The following CREB5 variants were observed in gnomAD, a reference collection of about 807,000 sequenced individuals.
The protein encoded by CREB5 is cAMP responsive element binding protein 5.
Under a neutral mutation model 57.1 loss-of-function variants are expected in CREB5, and 19 were observed. The ratio of observed to expected loss-of-function variants is 0.33; its 90% CI spans 0.23 to 0.49. CREB5 has a LOEUF of 0.49. CREB5 is among the 20% of genes least tolerant of loss of function. The probability of loss-of-function intolerance (pLI) is 0.99; values close to 1 mark genes in which losing one functional copy is unlikely to be tolerated. For synonymous variants in CREB5, 238 were observed against 238.3 expected (o/e 1.00, Z 0.01); for missense variants, 579 against 671.6 (o/e 0.86, Z 1.52).
In CREB5 at chr7:28,406,142, TAC is replaced by T. The variant is rs1217950581; in HGVS notation, c.-24-88762_-24-88761del. Reference sequence around the variant, plus strand: ...GTTGGAGAAATGACTGAACCCAAAGTACAGAGCTAAAGAATTTCTTCCCATCT... The same window carrying T: ...GTTGGAGAAATGACTGAACCCAAAGTAGAGCTAAAGAATTTCTTCCCATCT... On this transcript the variant is annotated intron_variant, in intron 1 of 9. Transcript: ENST00000396299. 2.0e-5 allele frequency among the ~76,000 whole-genome samples: 3 copies of T among 152,314 alleles called. No homozygotes were observed. In the East Asian group the frequency reaches 5.8e-4, roughly 29 times the overall value.
At chr7:28,351,782 CT>C (rs1383576636) in intron 1 of CREB5, among the ~76,000 whole-genome samples, 9 of 151,922 alleles carry the variant, frequency 5.9e-5, no homozygotes, top group African/African-American at 2.2e-4. Flanking sequence ...AAAAAAAATC[CT>C]TGTTAATTAG....
chr7:28,686,239 A>AT lies in CREB5; in HGVS notation c.465-32506dup, dbSNP rs201137678. 3.7e-3 allele frequency: 5,655 copies of AT among 1,540,958 alleles called. 31 individuals carry two copies. The highest frequency in any genetic ancestry group is 0.011 in the South Asian group (972 of 89,452). On this transcript the variant is annotated intron_variant, in intron 5 of 10. Transcript: ENST00000357727. ...ATTTTCTTTTCTCCTGATTTTATAG[A>AT]TTTTTTTTGCCCCTACTGCCTTCTG...
intron 1 of CREB5, among the ~76,000 whole-genome samples, chr7:28,386,967 C>T (rs1787120470): frequency 6.6e-6 from 1 of 152,072 alleles, no homozygotes; most frequent in South Asian, 2.1e-4. Context: ...TTTCTTTATC[C>T]AGTCTATTAT....
At chr7:28,624,001 C>G (rs1797901104) in intron 5 of CREB5, among the ~76,000 whole-genome samples, 2 of 152,170 alleles carry the variant, frequency 1.3e-5, no homozygotes, top group South Asian at 4.1e-4. Flanking sequence ...GTGATGACAA[C>G]TTCCTCCATT....
intron 5 of CREB5, among the ~76,000 whole-genome samples, chr7:28,596,062 G>A (rs1796682461): frequency 6.6e-6 from 1 of 152,118 alleles, no homozygotes; most frequent in Non-Finnish European, 1.5e-5. Context: ...CCTAAATGTT[G>A]GGATTTCATT....
At chr7:28,312,371 G>A (rs974843529) in intron 1 of CREB5, among the ~76,000 whole-genome samples, 3 of 152,104 alleles carry the variant, frequency 2.0e-5, no homozygotes, top group Non-Finnish European at 4.4e-5. Flanking sequence ...TACCTACTCG[G>A]ATTTCACAGA....
At chr7:28,495,602 A>G (rs1433292588) in intron 3 of CREB5, among the ~76,000 whole-genome samples, 1 of 152,054 alleles carries the variant, frequency 6.6e-6, no homozygotes, top group Non-Finnish European at 1.5e-5. Flanking sequence ...TTGGGCATCT[A>G]TGCACGCTGC....
intron 1 of CREB5, among the ~76,000 whole-genome samples, chr7:28,355,394 A>G (rs1394168527): frequency 1.3e-5 from 2 of 151,658 alleles, no homozygotes; most frequent in Non-Finnish European, 2.9e-5. Flanking sequence ...ACCCGCAGTC[A>G]TAGTAGAGAG....
intron 8 of CREB5, 99 bp from the exon 9 acceptor site, chr7:28,809,088 C>T (rs1296396924): frequency 9.1e-7 from 1 of 1,098,192 alleles, no homozygotes; most frequent in African/African-American, 1.6e-5. Flanking sequence ...AAACGATAGA[C>T]TTTCTGTGCT....
chr7:28,560,724 C>T (rs1276310060), intron 4 of CREB5, among the ~76,000 whole-genome samples: 1 of 151,824 alleles, frequency 6.6e-6, no homozygotes, highest in Non-Finnish European at 1.5e-5. Flanking sequence ...AAACACAGAC[C>T]TGCTGACCAG....
chr7:28,613,467 G>A (rs1016709228), intron 5 of CREB5, among the ~76,000 whole-genome samples: 1 of 152,156 alleles, frequency 6.6e-6, no homozygotes, highest in Non-Finnish European at 1.5e-5. Context: ...ACTCATAGGT[G>A]TCAAATCATC....
rs1475857925 is a variant in CREB5 at position 28,804,490 on chromosome 7, C to T, written c.994C>T (p.His332Tyr). 1.2e-6 allele frequency: 2 copies of T among 1,614,062 alleles called. No homozygotes were observed. Among genetic ancestry groups the T allele is most frequent in the African/African-American group, 2.7e-5 (2 of 74,930 alleles). Residue 332 changes from histidine (H) to tyrosine (Y), a missense_variant, in exon 8 of 11, where the codon CAT (histidine) becomes TAT (tyrosine). His to Tyr is a moderately conservative substitution (Grantham distance 83). This residue lies in a region of CREB5 where 459 missense variants were observed against 515.7 expected (regional missense o/e 0.89). Coordinates refer to ENST00000357727, the MANE Select transcript of CREB5 (RefSeq NM_182898.4). ...CCCAGCACATCACCAGACCTCGCCA[C>T]ATCCGCCCCTGCACACCGGCAACCA... ...AHPAHHQTSP[H>Y]PPLHTGNQAQ...
At chr7:28,304,901 T>TG (rs1455286937) in intron 1 of CREB5, among the ~76,000 whole-genome samples, 2 of 152,222 alleles carry the variant, frequency 1.3e-5, no homozygotes, top group African/African-American at 4.8e-5. Context: ...GAATATACAC[T>TG]GAAGTGTGCA....
At chr7:28,679,274 A>T (rs998260773) in intron 5 of CREB5, among the ~76,000 whole-genome samples, 1 of 152,168 alleles carries the variant, frequency 6.6e-6, no homozygotes, top group Non-Finnish European at 1.5e-5. Context: ...TCCACTGATT[A>T]TGAAAGTCCC....
chr7:28,748,517 G>T (rs531971691), intron 7 of CREB5, among the ~76,000 whole-genome samples: 87 of 152,312 alleles, frequency 5.7e-4, no homozygotes, highest in African/African-American at 2.1e-3. Flanking sequence ...AATTACTAGA[G>T]CTCAGTGGTA....
chr7:28,412,491 A>G (rs145837365), upstream of CREB5: 14 of 156,792 alleles, frequency 8.9e-5, no homozygotes, highest in East Asian at 2.6e-3. Flanking sequence ...CAGGAGTATA[A>G]ACTGAGCATG....
intron 5 of CREB5, among the ~76,000 whole-genome samples, chr7:28,585,838 A>G (rs1156582591): frequency 6.6e-6 from 1 of 152,190 alleles, no homozygotes; most frequent in Non-Finnish European, 1.5e-5. Flanking sequence ...GGATGGGTGC[A>G]GGCTGCAGAC....
At chr7:28,718,607 C>T in intron 5 of CREB5, 146 bp from the exon 6 acceptor site, 1 of 1,089,850 alleles carries the variant, frequency 9.2e-7, no homozygotes, top group Non-Finnish European at 1.3e-6. Context: ...GTTATTATTT[C>T]CCTAATATCC....
chr7:28,611,126 A>T (rs1403969379), intron 5 of CREB5, among the ~76,000 whole-genome samples: 1 of 151,996 alleles, frequency 6.6e-6, no homozygotes, highest in Non-Finnish European at 1.5e-5. Flanking sequence ...TACCTGTGCA[A>T]TTTCTCCTGC....
Sources: allele counts gnomAD v4.1 joint callset (sites outside exome capture counted in the v4.1 genomes callset), GRCh38; gene constraint gnomAD v4.1.1; regional missense constraint gnomAD v4.1.1; transcripts MANE v1.5; gene names NCBI Gene and HGNC (gene_info 2026-07-23, HGNC 2026-07-21).